The following LDLRAD4 variants were observed in gnomAD, a reference collection of about 807,000 sequenced individuals.
LDLRAD4 encodes low density lipoprotein receptor class A domain containing 4.
LDLRAD4 carries 5 observed loss-of-function variants against 17.0 expected under a neutral mutation model. The observed-to-expected ratio is 0.29, with a 90% CI of 0.15 to 0.62. LDLRAD4 has a LOEUF of 0.62. LDLRAD4 is among the 20% of genes least tolerant of loss of function. LDLRAD4 has a pLI of 0.84. For synonymous variants in LDLRAD4, 168 were observed against 171.8 expected (o/e 0.98, Z 0.17); for missense variants, 340 against 424.7 (o/e 0.80, Z 1.75).
intron 1 of LDLRAD4, among the ~76,000 whole-genome samples, chr18:13,281,135 C>T (rs1039763580): frequency 2.0e-5 from 3 of 152,142 alleles, no homozygotes; most frequent in African/African-American, 7.2e-5. Flanking sequence ...AATTGGAATC[C>T]CAGCACTTTG....
At chr18:13,529,465 C>A (rs2094093033) in intron 3 of LDLRAD4, among the ~76,000 whole-genome samples, 1 of 152,218 alleles carries the variant, frequency 6.6e-6, no homozygotes, top group Non-Finnish European at 1.5e-5. Context: ...TTGGCAACCT[C>A]AAAGGCAGGC....
At chr18:13,252,216 C>G (rs978259720) in intron 1 of LDLRAD4, among the ~76,000 whole-genome samples, 5 of 152,294 alleles carry the variant, frequency 3.3e-5, no homozygotes, top group Middle Eastern at 3.4e-3. Flanking sequence ...CCTCCACCTC[C>G]TGGGTTCAAG....
intron 3 of LDLRAD4, among the ~76,000 whole-genome samples, chr18:13,610,305 T>TTTTTTCTA (rs1491536129): frequency 8.2e-5 from 2 of 24,328 alleles, no homozygotes; most frequent in Admixed American, 4.5e-4. Flanking sequence ...TTTTTTTTTT[T>TTTTTTCTA]GAGACGGAGT....
chr18:13,456,773 T>C (rs1289192488), intron 3 of LDLRAD4, among the ~76,000 whole-genome samples: 1 of 152,226 alleles, frequency 6.6e-6, no homozygotes, highest in East Asian at 1.9e-4. Context: ...AACCAATGTA[T>C]GCTATCAGTG....
intron 4 of LDLRAD4, among the ~76,000 whole-genome samples, chr18:13,630,110 A>T (rs1167630883): frequency 1.3e-5 from 2 of 150,530 alleles, no homozygotes; most frequent in African/African-American, 5.0e-5. Context: ...GAGGCACCTC[A>T]TATTGCTTTT....
At chr18:13,326,387 G>T (rs1191475584) in intron 1 of LDLRAD4, among the ~76,000 whole-genome samples, 2 of 152,138 alleles carry the variant, frequency 1.3e-5, no homozygotes, top group Non-Finnish European at 2.9e-5. Flanking sequence ...AGAGAAAAAA[G>T]GGCGTAAAGG....
At chr18:13,414,215 C>T (rs57735415) in intron 2 of LDLRAD4, among the ~76,000 whole-genome samples, 115 of 152,344 alleles carry the variant, frequency 7.5e-4, no homozygotes, top group African/African-American at 2.6e-3. Flanking sequence ...AGCAGGTGGG[C>T]CTTGGGGCCA....
chr18:13,418,432 C>A (rs1020362552), intron 2 of LDLRAD4, among the ~76,000 whole-genome samples: 6 of 152,366 alleles, frequency 3.9e-5, no homozygotes, highest in Non-Finnish European at 7.3e-5. Context: ...GTCGTTCTTC[C>A]TGCCTGATGG....
At chr18:13,430,282 G>T (rs1335210587) in intron 2 of LDLRAD4, among the ~76,000 whole-genome samples, 1 of 152,184 alleles carries the variant, frequency 6.6e-6, no homozygotes, top group Non-Finnish European at 1.5e-5. Flanking sequence ...TCTGTCAGTG[G>T]GCGACGTGGA....
intron 1 of LDLRAD4, among the ~76,000 whole-genome samples, chr18:13,314,348 A>T (rs1449341625): frequency 1.3e-5 from 2 of 151,614 alleles, no homozygotes; most frequent in Non-Finnish European, 3.0e-5. Context: ...ATTGTGACTT[A>T]TGTTTTTAGA....
chr18:13,602,710 A>G (rs1223028844), intron 3 of LDLRAD4, among the ~76,000 whole-genome samples: 1 of 151,938 alleles, frequency 6.6e-6, no homozygotes, highest in Non-Finnish European at 1.5e-5. Flanking sequence ...GGCCTCCCAA[A>G]GTGTTAAGAT....
chr18:13,383,790 T>G (rs1407256453), intron 1 of LDLRAD4, among the ~76,000 whole-genome samples: 1 of 152,054 alleles, frequency 6.6e-6, no homozygotes, highest in African/African-American at 2.4e-5. Flanking sequence ...TGAGTGCCGC[T>G]GGGTTCTGGC....
At chr18:13,272,894 G>A (rs141809266) in intron 1 of LDLRAD4, among the ~76,000 whole-genome samples, 2 of 152,346 alleles carry the variant, frequency 1.3e-5, no homozygotes, top group Non-Finnish European at 2.9e-5. Flanking sequence ...CCCTAGGAAA[G>A]ACGCACCTAT....
At chr18:13,425,000 A>G (rs752313639) in intron 2 of LDLRAD4, among the ~76,000 whole-genome samples, 7 of 152,238 alleles carry the variant, frequency 4.6e-5, no homozygotes, top group Non-Finnish European at 1.0e-4. Flanking sequence ...CAGTTTGCTT[A>G]ATAGAATAAA....
intron 1 of LDLRAD4, among the ~76,000 whole-genome samples, chr18:13,346,225 A>G (rs1324440022): frequency 2.6e-5 from 4 of 151,758 alleles, no homozygotes; most frequent in African/African-American, 9.7e-5. Context: ...TAGTGCTATA[A>G]GTTTCCCTCT....
intron 3 of LDLRAD4, among the ~76,000 whole-genome samples, chr18:13,443,156 G>A (rs1412897304): frequency 6.6e-6 from 1 of 152,136 alleles, no homozygotes; most frequent in Non-Finnish European, 1.5e-5. Flanking sequence ...GCCATTTAGG[G>A]TAATAACAAC....
intron 3 of LDLRAD4, chr18:13,520,630 G>GTCTCT (rs2093938529): frequency 6.6e-6 from 1 of 152,162 alleles, no homozygotes; most frequent in African/African-American, 2.4e-5. Context: ...AGATGGGAGG[G>GTCTCT]TCTCTTGAGC....
At chr18:13,639,643 G>C (rs969254147) in intron 4 of LDLRAD4, among the ~76,000 whole-genome samples, 2 of 152,180 alleles carry the variant, frequency 1.3e-5, no homozygotes, top group African/African-American at 4.8e-5. Flanking sequence ...CACAGAGCTG[G>C]AATGCCAGCC....
In LDLRAD4 at chr18:13,589,427, G is replaced by A. The variant is rs1489234770; in HGVS notation, c.182-31690G>A. 2.0e-4 allele frequency among the ~76,000 whole-genome samples: 31 copies of A among 152,184 alleles called. 1 individual carries two copies. The highest frequency in any genetic ancestry group is 1.9e-3 in the Admixed American group (29 of 15,290). On this transcript the variant is annotated intron_variant, in intron 3 of 5. Coordinates refer to ENST00000359446, the Ensembl canonical transcript of LDLRAD4. ...GTTCATTTTCGTTTGCAAATCCTCC[G>A]TGGAGACCCAGGGAGAGACTGCAGG... is the stretch of plus-strand genomic sequence containing the variant.
Sources: allele counts gnomAD v4.1 joint callset (sites outside exome capture counted in the v4.1 genomes callset), GRCh38; gene constraint gnomAD v4.1.1; transcripts MANE v1.5; gene names NCBI Gene and HGNC (gene_info 2026-07-23, HGNC 2026-07-21).